INSR: variants seen among roughly 807,000 people sequenced by gnomAD.
INSR encodes IR.
A neutral mutation model predicts 142.6 loss-of-function variants in INSR; 67 were observed. The ratio of observed to expected loss-of-function variants is 0.47; its 90% CI spans 0.39 to 0.58. The LOEUF (loss-of-function observed/expected upper bound fraction) is 0.58. Ranked by LOEUF, INSR falls within the 20% of genes least tolerant of loss-of-function variation. The probability of loss-of-function intolerance (pLI) is 0.00; values close to 1 mark genes in which losing one functional copy is unlikely to be tolerated. For missense variants in INSR, 1,248 were observed against 1,833.2 expected (o/e 0.68, Z 5.83); for synonymous variants, 756 against 743.1 (o/e 1.02, Z -0.28).
Position 7,288,098 on chromosome 19 carries a change from G to A in INSR, c.100+5694C>T, listed in dbSNP as rs186307470. On this transcript the variant is annotated intron_variant, in intron 1 of 21. Coordinates refer to ENST00000302850, the MANE Select transcript of INSR (RefSeq NM_000208.4). ...TTAGCTGGGCGCAATGGTTCCTCATGCCTATAATCCCAGCACTTGGGAGGC... is the reference window on the plus strand; with the variant it reads ...TTAGCTGGGCGCAATGGTTCCTCATACCTATAATCCCAGCACTTGGGAGGC... 2.0e-5 allele frequency among the ~76,000 whole-genome samples: 3 copies of A among 152,080 alleles called. No individual in the cohort carries two copies. The East Asian group carries it at 5.8e-4, about 29-fold the overall frequency.
In INSR at chr19:7,122,625, A is replaced by G. The variant is rs1436376265; in HGVS notation, c.3518T>C (p.Val1173Ala). Reference protein sequence around the residue: ...RNCMVAHDFTVKIGDFGMTRD... With the variant: ...RNCMVAHDFTAKIGDFGMTRD... ...AAAGCCAGACGAACCTCCAATTTTG[A>G]CAGTAAAATCATGGGCGACCATGCA... Residue 1173 changes from valine (V) to alanine (A), a missense_variant, in exon 19 of 22, where the codon GTC (valine) becomes GCC (alanine). Physicochemically the swap from Val to Ala is moderately conservative, Grantham distance 64 (BLOSUM62 0). This residue lies in a region of INSR where 1,069 missense variants were observed against 1,654.0 expected (regional missense o/e 0.65). Coordinates refer to ENST00000302850, the MANE Select transcript of INSR (RefSeq NM_000208.4). 1.2e-6 allele frequency: 2 copies of G among 1,614,056 alleles called. No individual in the cohort carries two copies. The highest frequency in any genetic ancestry group is 1.7e-6 in the Non-Finnish European group (2 of 1,180,040).
At chr19:7,212,714 T>C (rs1975312895) in intron 2 of INSR, among the ~76,000 whole-genome samples, 1 of 152,010 alleles carries the variant, frequency 6.6e-6, no homozygotes. Flanking sequence ...GCCTCCCAAG[T>C]AGTTGGGACT....
rs756094905 is a variant in INSR at position 7,184,612 on chromosome 19, G to C, written c.678C>G (p.His226Gln). 1 of 1,612,362 alleles carries C rather than the reference G, an allele frequency of 6.2e-7. No homozygotes were observed. The highest frequency in any genetic ancestry group is 2.2e-5 in the East Asian group (1 of 44,864). Residue 226 changes from histidine (H) to glutamine (Q), a missense_variant, in exon 3 of 22, where the codon CAC becomes CAG. Transcript: ENST00000302850. ...AACAGAGGCCTTCGGCGGTGCAGCC[G>C]TGTGACTTACAGATGGTCGGGCAAA... ...QKVCPTICKS[H>Q]GCTAEGLCCH...
chr19:7,164,990 G>A (rs1016964684), intron 8 of INSR, among the ~76,000 whole-genome samples: 7 of 152,070 alleles, frequency 4.6e-5, no homozygotes, highest in Admixed American at 1.3e-4. Context: ...TTAGCTGGGC[G>A]TGGTGGCACG....
chr19:7,276,888 G>A (rs1017899190), intron 1 of INSR, among the ~76,000 whole-genome samples: 11 of 152,080 alleles, frequency 7.2e-5, no homozygotes, highest in East Asian at 1.9e-4. Context: ...CCGCCACCAC[G>A]CACAGCTAAT....
intron 15 of INSR, among the ~76,000 whole-genome samples, chr19:7,127,979 T>A (rs979752825): frequency 2.0e-5 from 3 of 151,624 alleles, no homozygotes; most frequent in African/African-American, 4.8e-5. Flanking sequence ...CCTGACCTCA[T>A]GATCCGCCCG....
Position 7,150,489 on chromosome 19 carries a change from A to T in INSR, c.2267+8T>A, listed in dbSNP as rs1181462822. The T allele has an allele frequency of 2.5e-6, 4 of 1,613,888 alleles. No homozygotes were observed. The Admixed American group carries it at 6.7e-5, about 27-fold the overall frequency. On this transcript the variant is annotated splice_region_variant and intron_variant, in intron 11 of 21. Coordinates refer to ENST00000302850, the MANE Select transcript of INSR (RefSeq NM_000208.4). The surrounding 1 kb of genome is among the most constrained non-coding windows in gnomAD (Gnocchi z 4.2). ...GCAGGCACCAGGGGTCGCACAGGTGAGTCATACCTAGGGTCCTCGGCACCA... is the reference window on the plus strand; with the variant it reads ...GCAGGCACCAGGGGTCGCACAGGTGTGTCATACCTAGGGTCCTCGGCACCA...
intron 6 of INSR, 32 bp downstream of exon 6, chr19:7,170,505 C>G: frequency 6.4e-7 from 1 of 1,554,414 alleles, no homozygotes; most frequent in Non-Finnish European, 8.9e-7. Context: ...ACCGGTCCCT[C>G]ATGCCAAAAA....
intron 2 of INSR, among the ~76,000 whole-genome samples, chr19:7,222,383 C>T (rs531601111): frequency 6.6e-6 from 1 of 152,198 alleles, no homozygotes; most frequent in South Asian, 2.1e-4. Flanking sequence ...CAGCACCCAT[C>T]TGGCTTCCTT....
chr19:7,125,616 C>G lies in INSR; in HGVS notation c.3014-89G>C. On this transcript the variant is annotated intron_variant, in intron 16 of 21. Coordinates refer to ENST00000302850, the MANE Select transcript of INSR (RefSeq NM_000208.4). The surrounding 1 kb of genome is among the most constrained non-coding windows in gnomAD (Gnocchi z 4.9). ...ACCCAAGCCCTCACCCAAACCCCCTCGAAAACACTCATGAAATGAGTTCTG... is the reference window on the plus strand; with the variant it reads ...ACCCAAGCCCTCACCCAAACCCCCTGGAAAACACTCATGAAATGAGTTCTG... 3.2e-6 allele frequency: 5 copies of G among 1,549,836 alleles called. No individual in the cohort carries two copies. In the African/African-American group the frequency reaches 5.4e-5, roughly 17 times the overall value.
chr19:7,150,350 C>T lies in INSR; in HGVS notation c.2267+147G>A, dbSNP rs1416363304. 1 of 702,394 alleles carries T rather than the reference C, an allele frequency of 1.4e-6. No individual in the cohort carries two copies. Among genetic ancestry groups the T allele is most frequent in the Admixed American group, 2.2e-5 (1 of 45,348 alleles). 43.5% of individuals were successfully genotyped at this position (702,394 alleles called of 1,614,324 possible). A position where few individuals can be genotyped will look rare whatever the true frequency, so the allele number is the denominator to read the frequency against. Reference sequence around the variant, plus strand: ...ATTTCAGAGTGAAGGCATTGGATTTCTGAATTGGTGAAGCATCTGCTCTCC... The same window carrying T: ...ATTTCAGAGTGAAGGCATTGGATTTTTGAATTGGTGAAGCATCTGCTCTCC... On this transcript the variant is annotated intron_variant, in intron 11 of 21. Transcript: ENST00000302850. This position sits in a 1 kb window ranked among gnomAD's most constrained non-coding sequence, Gnocchi z 4.2.
At chr19:7,153,300 C>G (rs1973473715) in intron 9 of INSR, among the ~76,000 whole-genome samples, 1 of 151,046 alleles carries the variant, frequency 6.6e-6, no homozygotes, top group Non-Finnish European at 1.5e-5. Context: ...ACCGCACACA[C>G]ACCACACAAA....
intron 2 of INSR, among the ~76,000 whole-genome samples, chr19:7,209,494 T>C (rs1397672530): frequency 6.6e-6 from 1 of 152,168 alleles, no homozygotes; most frequent in Non-Finnish European, 1.5e-5. Context: ...CACAGCTCTC[T>C]GCAGCCTCGA....
chr19:7,265,956 C>T (rs929462515), intron 2 of INSR, among the ~76,000 whole-genome samples: 1 of 152,090 alleles, frequency 6.6e-6, no homozygotes, highest in Non-Finnish European at 1.5e-5. Flanking sequence ...GTAGCCTTCA[C>T]TGATGAAAAC....
At chr19:7,136,585 C>T (rs1972933189) in intron 13 of INSR, among the ~76,000 whole-genome samples, 1 of 151,958 alleles carries the variant, frequency 6.6e-6, no homozygotes, top group Admixed American at 6.6e-5. Flanking sequence ...TAGGAATTCC[C>T]ATCACGAATC....
At position 7,172,353 on chromosome 19, in the gene INSR, G is replaced by C. The variant is rs1393251984; in HGVS notation, c.1205C>G (p.Ala402Gly). The C allele has an allele frequency of 6.2e-7, 1 of 1,614,006 alleles. No individual in the cohort carries two copies. Among genetic ancestry groups the C allele is most frequent in the Non-Finnish European group, 8.5e-7 (1 of 1,180,026 alleles). Residue 402 changes from alanine to glycine, a missense_variant, in exon 5 of 22, where the codon GCT becomes GGT. Coordinates refer to ENST00000302850, the MANE Select transcript of INSR (RefSeq NM_000208.4). The part of the protein sequence containing the change: ...SGYLKIRRSY[A>G]LVSLSFFRKL... Reference sequence around the variant, plus strand: ...CCGGAAGAAGGAAAGTGACACCAGAGCGTAGGATCGGCGGATTTTTAGATA... The same window carrying C: ...CCGGAAGAAGGAAAGTGACACCAGACCGTAGGATCGGCGGATTTTTAGATA...
intron 2 of INSR, among the ~76,000 whole-genome samples, chr19:7,253,891 G>A (rs1032700063): frequency 1.3e-5 from 2 of 151,836 alleles, no homozygotes; most frequent in Non-Finnish European, 2.9e-5. Context: ...TCAGCCGGGC[G>A]TGGTGGCATG....
intron 2 of INSR, among the ~76,000 whole-genome samples, chr19:7,226,728 CA>C (rs71177177): frequency 4.3e-4 from 48 of 112,862 alleles, no homozygotes; most frequent in South Asian, 6.0e-4. Flanking sequence ...ACCCTGTTTC[CA>C]AAAAAAAAAA....
rs991569350 is a variant in INSR, at chr19:7,212,876, T to C, written c.653-28239A>G. Among the ~76,000 whole-genome samples the C allele has an allele frequency of 7.9e-5, 12 of 152,132 alleles. No individual in the cohort carries two copies. In the South Asian group the frequency reaches 1.0e-3, roughly 13 times the overall value. ...TGCTGGGATTACAGGTGTGAGCTAC[T>C]GTGTCCAGCCAGAGAGAAAGTTCCA... On this transcript the variant is annotated intron_variant, in intron 2 of 21. Transcript: ENST00000302850.
Sources: gnomAD v4.1 joint callset for allele counts (sites outside exome capture counted in the v4.1 genomes callset) on GRCh38, gnomAD v4.1.1 for gene constraint, gnomAD v4.1.1 regional missense constraint, Gnocchi (gnomAD v3.1) non-coding constraint, MANE v1.5 for transcripts, NCBI Gene and HGNC (gene_info 2026-07-23, HGNC 2026-07-21) for gene names.